The following ADAMTSL3 variants were observed in gnomAD, a reference collection of about 807,000 sequenced individuals.
ADAMTSL3 encodes ADAMTS like 3.
A neutral mutation model predicts 201.7 loss-of-function variants in ADAMTSL3; 128 were observed. That is an observed-to-expected ratio of 0.63 (90% CI 0.55 to 0.73). ADAMTSL3 has a LOEUF of 0.73. Among genes scored for constraint, ADAMTSL3 ranks in the 30% least tolerant of loss-of-function variants. ADAMTSL3 has a pLI of 0.00. For missense variants in ADAMTSL3, 1,990 were observed against 2,119.6 expected, an observed-to-expected ratio of 0.94 and a Z score of 1.20; for synonymous variants, 738 against 748.4, an observed-to-expected ratio of 0.99 and a Z score of 0.23.
intron 4 of ADAMTSL3, among the ~76,000 whole-genome samples, chr15:83,801,659 T>TAA (rs1567154055): frequency 9.5e-4 from 38 of 39,792 alleles, no homozygotes; most frequent in African/African-American, 3.0e-3. Context: ...TAAATATATA[T>TAA]ATATATATAT....
chr15:83,896,985 C>T (rs563644887), intron 13 of ADAMTSL3, among the ~76,000 whole-genome samples: 1 of 152,242 alleles, frequency 6.6e-6, no homozygotes, highest in East Asian at 1.9e-4. Flanking sequence ...AGAACTCACT[C>T]ACTATCATGA....
chr15:83,999,474 A>G (rs1031461019), intron 23 of ADAMTSL3, among the ~76,000 whole-genome samples: 1 of 152,244 alleles, frequency 6.6e-6, no homozygotes, highest in South Asian at 2.1e-4. Context: ...TTATCGCCAA[A>G]TTGCCAGCTA....
In ADAMTSL3 at chr15:83,773,525, C is replaced by G. The variant is rs754523746; in HGVS notation, c.192C>G (p.Thr64=). The change falls in exon 4 of 30, where the codon ACC becomes ACG. Residue 64 remains threonine (T), a splice_region_variant and synonymous_variant. Transcript: ENST00000286744. ...TTTGTTTGCTTTTTAACATCTAGAC[C>G]TCAAGAAACACTCGTTCAGATGAAG... ...QFLTYRYDDQ[T]SRNTRSDEDK... The G allele has an allele frequency of 1.1e-5, 17 of 1,613,382 alleles. No homozygotes were observed. Among genetic ancestry groups the G allele is most frequent in the Non-Finnish European group, 1.4e-5 (17 of 1,179,774 alleles).
rs1406679803 is a variant in ADAMTSL3, at chr15:83,756,905, T to A, written c.190-16618T>A. On this transcript the variant is annotated intron_variant, in intron 3 of 29. Coordinates refer to ENST00000286744, the MANE Select transcript of ADAMTSL3 (RefSeq NM_207517.3). ...CAGTGGGGCAGTCAAATCTTAAAGC[T>A]CCAAAATGATCTCCTTTGACTCCAT... 2.0e-5 allele frequency among the ~76,000 whole-genome samples: 3 copies of A among 152,184 alleles called. No homozygotes were observed. In the East Asian group the frequency reaches 5.8e-4, roughly 29 times the overall value.
intron 19 of ADAMTSL3, among the ~76,000 whole-genome samples, chr15:83,951,938 T>A (rs1467010134): frequency 6.6e-6 from 1 of 152,166 alleles, no homozygotes; most frequent in Admixed American, 6.5e-5. Context: ...CGATTTTATT[T>A]ATGTTTTCAA....
intron 3 of ADAMTSL3, among the ~76,000 whole-genome samples, chr15:83,767,507 C>T (rs2062912322): frequency 6.6e-6 from 1 of 152,216 alleles, no homozygotes; most frequent in Non-Finnish European, 1.5e-5. Flanking sequence ...CTATACTCAA[C>T]TGACAAACAC....
intron 3 of ADAMTSL3, among the ~76,000 whole-genome samples, chr15:83,761,189 G>A (rs1424738631): frequency 6.6e-6 from 1 of 151,876 alleles, no homozygotes; most frequent in Non-Finnish European, 1.5e-5. Flanking sequence ...TATCAAAGTC[G>A]AATATTAATT....
chr15:83,993,226 C>T (rs2067616898), intron 23 of ADAMTSL3, among the ~76,000 whole-genome samples: 1 of 152,180 alleles, frequency 6.6e-6, no homozygotes, highest in African/African-American at 2.4e-5. Flanking sequence ...TTGAGTTTTA[C>T]AGACAGTCTT....
intron 2 of ADAMTSL3, among the ~76,000 whole-genome samples, chr15:83,668,869 A>G (rs981761305): frequency 1.3e-5 from 2 of 152,198 alleles, no homozygotes. Flanking sequence ...CCAAGAGACT[A>G]ACCAGAACAT....
chr15:83,909,612 GT>G (rs1236576614), intron 15 of ADAMTSL3, among the ~76,000 whole-genome samples: 2 of 151,530 alleles, frequency 1.3e-5, no homozygotes, highest in South Asian at 2.1e-4. Flanking sequence ...TCAATGAGTG[GT>G]TTTTTTTCTT....
At chr15:83,882,971 C>T (rs2065305446) in intron 9 of ADAMTSL3, among the ~76,000 whole-genome samples, 1 of 151,704 alleles carries the variant, frequency 6.6e-6, no homozygotes. Context: ...TAAATATTGT[C>T]TCTTCATCAT....
chr15:83,960,045 T>A (rs1011982357), intron 19 of ADAMTSL3, among the ~76,000 whole-genome samples: 3 of 152,214 alleles, frequency 2.0e-5, no homozygotes, highest in African/African-American at 4.8e-5. Flanking sequence ...ATTTTTATTA[T>A]GTGAGAAACT....
intron 3 of ADAMTSL3, among the ~76,000 whole-genome samples, chr15:83,744,607 C>T: frequency 6.6e-6 from 1 of 152,136 alleles, no homozygotes; most frequent in Non-Finnish European, 1.5e-5. Context: ...ATGGTGGGAA[C>T]ACTTAAAATC....
intron 3 of ADAMTSL3, among the ~76,000 whole-genome samples, chr15:83,729,328 T>A (rs1264220758): frequency 2.0e-5 from 3 of 152,106 alleles, no homozygotes; most frequent in Non-Finnish European, 4.4e-5. Context: ...TTATTATCCT[T>A]TTGAGTAAAA....
Position 83,983,075 on chromosome 15 carries a change from T to A in ADAMTSL3, c.3447T>A (p.Ala1149=). The change falls in exon 21 of 30, where the codon GCT becomes GCA. Residue 1149 remains alanine, a synonymous_variant. Transcript: ENST00000286744. Reference sequence around the variant, plus strand: ...TCCAGGAAGAGACACCTCCTGCTGCTCAGCTCAGAGGGGAAACAGGGAGTG... The same window carrying A: ...TCCAGGAAGAGACACCTCCTGCTGCACAGCTCAGAGGGGAAACAGGGAGTG... ...RGIQEETPPA[A]QLRGETGSVS... 6.2e-7 allele frequency: 1 copy of A among 1,614,050 alleles called. No homozygotes were observed. The highest frequency in any genetic ancestry group is 1.7e-5 in the Admixed American group (1 of 60,010).
chr15:83,832,668 G>C (rs1034872021), intron 6 of ADAMTSL3, among the ~76,000 whole-genome samples: 31 of 152,170 alleles, frequency 2.0e-4, no homozygotes, highest in African/African-American at 7.0e-4. Context: ...CTGCTTCCTG[G>C]TGATTCTTTC....
At chr15:83,831,762 C>T (rs2064162061) in intron 6 of ADAMTSL3, among the ~76,000 whole-genome samples, 1 of 152,100 alleles carries the variant, frequency 6.6e-6, no homozygotes, top group South Asian at 2.1e-4. Context: ...TCAAATACTT[C>T]AATTCCCCAC....
intron 19 of ADAMTSL3, among the ~76,000 whole-genome samples, chr15:83,954,457 A>C (rs2066816467): frequency 6.6e-6 from 1 of 152,054 alleles, no homozygotes; most frequent in African/African-American, 2.4e-5. Context: ...AATTTGTTTG[A>C]GTTTCCTCAA....
At chr15:83,885,568 A>T (rs2065371798) in intron 10 of ADAMTSL3, among the ~76,000 whole-genome samples, 1 of 152,128 alleles carries the variant, frequency 6.6e-6, no homozygotes, top group African/African-American at 2.4e-5. Flanking sequence ...AAGCAGAAAG[A>T]TGGAGTGACT....
Sources: gnomAD v4.1 joint callset for allele counts (sites outside exome capture counted in the v4.1 genomes callset) on GRCh38, gnomAD v4.1.1 for gene constraint, MANE v1.5 for transcripts, NCBI Gene and HGNC (gene_info 2026-07-23, HGNC 2026-07-21) for gene names.